PARP8: variants seen among roughly 807,000 people sequenced by gnomAD.
PARP8 encodes the protein protein mono-ADP-ribosyltransferase PARP8.
In PARP8, 51 loss-of-function variants were observed where a neutral mutation model predicts 124.1. The ratio of observed to expected loss-of-function variants is 0.41; its 90% CI spans 0.33 to 0.52. The LOEUF (loss-of-function observed/expected upper bound fraction) is 0.52. Among genes scored for constraint, PARP8 ranks in the 20% least tolerant of loss-of-function variants. PARP8 has a pLI of 0.21. For synonymous variants in PARP8, 391 were observed against 361.5 expected (o/e 1.08, Z -0.93); for missense variants, 860 against 1,018.9 (o/e 0.84, Z 2.12).
intron 2 of PARP8, among the ~76,000 whole-genome samples, chr5:50,692,788 T>C (rs558628258): frequency 6.6e-6 from 1 of 152,318 alleles, no homozygotes; most frequent in Admixed American, 6.5e-5. Flanking sequence ...CCTCTGTCTT[T>C]GAGGCACTCT....
chr5:50,801,799 T>A (rs533168301), intron 14 of PARP8, among the ~76,000 whole-genome samples: 2 of 152,346 alleles, frequency 1.3e-5, no homozygotes, highest in African/African-American at 4.8e-5. Flanking sequence ...GGGAAATCTG[T>A]TGCTGGATAC....
Position 50,704,674 on chromosome 5 carries a change from T to C in PARP8, c.146+36549T>C, listed in dbSNP as rs140897094. 2.1e-4 allele frequency among the ~76,000 whole-genome samples: 32 copies of C among 152,324 alleles called. No homozygotes were observed. The East Asian group carries it at 5.8e-3, about 28-fold the overall frequency. ...AATGTAACATATCTCATGAACATTG[T>C]CATATTGATTGTATATTGGAATGAT... On this transcript the variant is annotated intron_variant, in intron 2 of 25. Transcript: ENST00000281631.
chr5:50,712,595 C>A (rs1385494478), intron 2 of PARP8, among the ~76,000 whole-genome samples: 2 of 152,130 alleles, frequency 1.3e-5, no homozygotes, highest in African/African-American at 4.8e-5. Flanking sequence ...TCAGTAAGCA[C>A]TGAGGACCAG....
chr5:50,794,625 G>C (rs73102803), intron 11 of PARP8, among the ~76,000 whole-genome samples: 39 of 152,188 alleles, frequency 2.6e-4, no homozygotes, highest in African/African-American at 8.4e-4. Flanking sequence ...GGATAGATAG[G>C]AGGGAAAAAA....
intron 3 of PARP8, chr5:50,756,985 G>A (rs1180101768): frequency 1.8e-5 from 6 of 325,018 alleles, no homozygotes; most frequent in South Asian, 1.3e-4. Flanking sequence ...CATCCATGTT[G>A]TTGCAGATGG....
At chr5:50,765,425 T>C (rs1166565712) in intron 7 of PARP8, among the ~76,000 whole-genome samples, 1 of 152,184 alleles carries the variant, frequency 6.6e-6, no homozygotes, top group Non-Finnish European at 1.5e-5. Context: ...TCACCAAGCA[T>C]TTGTTAAGTA....
chr5:50,811,257 T>A (rs769829491), intron 14 of PARP8, among the ~76,000 whole-genome samples: 51 of 152,242 alleles, frequency 3.3e-4, no homozygotes, highest in South Asian at 8.3e-4. Flanking sequence ...TAAAGTTGAT[T>A]TAGAACTTTC....
rs117110787 is a variant in PARP8 at position 50,677,848 on chromosome 5, G to A, written c.146+9723G>A. Among the ~76,000 whole-genome samples, 1,060 of 151,758 alleles carry A rather than the reference G, an allele frequency of 7.0e-3. 8 individuals are homozygous for A. Among genetic ancestry groups the A allele is most frequent in the East Asian group, 0.039 (199 of 5,160 alleles). On this transcript the variant is annotated intron_variant, in intron 2 of 25. Coordinates refer to ENST00000281631, the MANE Select transcript of PARP8 (RefSeq NM_024615.4). ...TGCCAGCCTCTGGGTTGCATTTAGG[G>A]ATATGCTACATTTCAAAGGTATCTT... is the stretch of plus-strand genomic sequence containing the variant.
chr5:50,668,787 A>G (rs1749664262), intron 2 of PARP8: 1 of 152,326 alleles, frequency 6.6e-6, no homozygotes, highest in South Asian at 2.1e-4. Flanking sequence ...GTAGCCATTC[A>G]AATACTATGC....
chr5:50,720,899 C>G (rs573770734), intron 2 of PARP8, among the ~76,000 whole-genome samples: 21 of 151,886 alleles, frequency 1.4e-4, no homozygotes, highest in African/African-American at 5.1e-4. Flanking sequence ...TGCTAGGTTG[C>G]AAGTCTTATT....
intron 15 of PARP8, among the ~76,000 whole-genome samples, chr5:50,817,819 T>A (rs73102887): frequency 2.4e-4 from 36 of 152,290 alleles, no homozygotes; most frequent in African/African-American, 7.7e-4. Flanking sequence ...GACTAAAGAC[T>A]AATGACCGAA....
intron 17 of PARP8, among the ~76,000 whole-genome samples, chr5:50,823,981 G>A (rs1363802844): frequency 1.3e-5 from 2 of 152,182 alleles, no homozygotes; most frequent in Non-Finnish European, 2.9e-5. Flanking sequence ...GTTTTATTGT[G>A]TCAAATTCTT....
chr5:50,748,472 T>C (rs1758859253), intron 2 of PARP8, among the ~76,000 whole-genome samples: 1 of 152,232 alleles, frequency 6.6e-6, no homozygotes, highest in Non-Finnish European at 1.5e-5. Context: ...TTCGGTGCTT[T>C]TCATTCTTTT....
intron 14 of PARP8, among the ~76,000 whole-genome samples, chr5:50,811,594 TG>T (rs1744448342): frequency 6.6e-6 from 1 of 151,228 alleles, no homozygotes; most frequent in Admixed American, 6.6e-5. Flanking sequence ...TTCCATTGGG[TG>T]TTTTTTTTTT....
chr5:50,717,777 G>A (rs867557225), intron 2 of PARP8, among the ~76,000 whole-genome samples: 7 of 151,888 alleles, frequency 4.6e-5, no homozygotes, highest in Non-Finnish European at 8.8e-5. Flanking sequence ...GAGGTAAGTT[G>A]ACCTCATGAC....
At chr5:50,790,506 T>C (rs1459097754) in intron 10 of PARP8, among the ~76,000 whole-genome samples, 1 of 152,178 alleles carries the variant, frequency 6.6e-6, no homozygotes, top group Non-Finnish European at 1.5e-5. Flanking sequence ...ATTTCCTCCC[T>C]TGTTTTTATA....
chr5:50,837,508 A>G (rs1053464420), intron 25 of PARP8, among the ~76,000 whole-genome samples: 3 of 152,162 alleles, frequency 2.0e-5, no homozygotes, highest in East Asian at 1.9e-4. Context: ...TTGATACATT[A>G]TGTGATCCTG....
Position 50,843,609 on chromosome 5 carries a change from T to C in PARP8, c.*1541T>C, listed in dbSNP as rs576598980. 4.6e-5 allele frequency: 7 copies of C among 151,890 alleles called. No homozygotes were observed. In the South Asian group the frequency reaches 1.5e-3, roughly 31 times the overall value. 9.4% of individuals were successfully genotyped at this position (151,890 alleles called of 1,614,324 possible). Reference sequence around the variant, plus strand: ...GGATATTAATCATTTTGATAGTATCTACTTAAAGCATTGATCTGTTTTGAC... The same window carrying C: ...GGATATTAATCATTTTGATAGTATCCACTTAAAGCATTGATCTGTTTTGAC... On this transcript the variant is annotated 3_prime_UTR_variant, in exon 26 of 26. Coordinates refer to ENST00000281631, the MANE Select transcript of PARP8 (RefSeq NM_024615.4).
At position 50,759,747 on chromosome 5, in the gene PARP8, AT is replaced by A. The variant is rs776911480; in HGVS notation, c.274+21del. 3.9e-6 allele frequency: 6 copies of A among 1,543,356 alleles called. No individual in the cohort carries two copies. In the South Asian group the frequency reaches 5.2e-5, roughly 13 times the overall value. On this transcript the variant is annotated intron_variant, in intron 4 of 25. Coordinates refer to ENST00000281631, the MANE Select transcript of PARP8 (RefSeq NM_024615.4). ...AATAGCAACAGGTAATAGTAGTATT[AT>A]TTTTTATACTAGGTTAATTTTTTAA...
Sources: allele counts gnomAD v4.1 joint callset (sites outside exome capture counted in the v4.1 genomes callset), GRCh38; gene constraint gnomAD v4.1.1; transcripts MANE v1.5; gene names NCBI Gene and HGNC (gene_info 2026-07-23, HGNC 2026-07-21).